KRI1: variants seen among roughly 807,000 people sequenced by gnomAD.
KRI1 encodes the protein KRI1 homolog, also known as protein KRI1 homolog.
A neutral mutation model predicts 97.0 loss-of-function variants in KRI1; 83 were observed. The ratio of observed to expected loss-of-function variants is 0.86; its 90% CI spans 0.72 to 1.03. The LOEUF is 1.03. Ranked by LOEUF, KRI1 falls within the 50% of genes least tolerant of loss-of-function variation. The probability of loss-of-function intolerance (pLI) is 0.00; values close to 1 mark genes in which losing one functional copy is unlikely to be tolerated. For missense variants in KRI1, 916 were observed against 928.4 expected, an observed-to-expected ratio of 0.99 and a Z score of 0.17; for synonymous variants, 371 against 363.5, an observed-to-expected ratio of 1.02 and a Z score of -0.23.
chr19:10,565,811 G>GTC, intron 1 of KRI1, 21 bp from the exon 2 acceptor site: 2 of 1,521,398 alleles, frequency 1.3e-6, no homozygotes, highest in Admixed American at 2.0e-5. Context: ...CAGACGGGAT[G>GTC]CCCCCCCCCA....
intron 3 of KRI1, among the ~76,000 whole-genome samples, chr19:10,563,365 A>T (rs1260975506): frequency 1.3e-5 from 2 of 149,038 alleles, no homozygotes; most frequent in Non-Finnish European, 3.0e-5. Flanking sequence ...CATTATTATT[A>T]TTTTTTTGAG....
At chr19:10,561,583 C>G in intron 6 of KRI1, 84 bp downstream of exon 6, 1 of 1,298,324 alleles carries the variant, frequency 7.7e-7, no homozygotes, top group Non-Finnish European at 1.1e-6. Flanking sequence ...TAGAAAGTGA[C>G]AGAGCTCAAT....
In KRI1 at chr19:10,565,785, C is replaced by A; in HGVS notation, c.100G>T (p.Asp34Tyr). 6.4e-7 allele frequency: 1 copy of A among 1,573,502 alleles called. No homozygotes were observed. The highest frequency in any genetic ancestry group is 8.6e-7 in the Non-Finnish European group (1 of 1,160,428). ...REREELQRLKDRYGDRDSSSD... is the reference protein window; with the variant it reads ...REREELQRLKYRYGDRDSSSD... Reference sequence around the variant, plus strand: ...CTGCTGTCTCGGTCCCCGTAGCGATCCTTCACTGCGGGACACAGACGGGAT... The same window carrying A: ...CTGCTGTCTCGGTCCCCGTAGCGATACTTCACTGCGGGACACAGACGGGAT... The change falls in exon 2 of 19, where the codon GAT (aspartate) becomes TAT (tyrosine). Residue 34 changes from aspartate (D) to tyrosine (Y), a missense_variant. This residue lies in a region of KRI1 where 173 missense variants were observed against 153.1 expected (regional missense o/e 1.13). Coordinates refer to ENST00000312962, the MANE Select transcript of KRI1 (RefSeq NM_023008.5).
At chr19:10,554,571 G>C (rs1343395355) in intron 18 of KRI1, among the ~76,000 whole-genome samples, 2 of 152,100 alleles carry the variant, frequency 1.3e-5, no homozygotes, top group Admixed American at 6.6e-5. Context: ...TTAGAGACAA[G>C]GTCTTGCTGT....
Position 10,558,074 on chromosome 19 carries a change from G to C in KRI1, c.1271-14C>G. 6.2e-7 allele frequency: 1 copy of C among 1,614,034 alleles called. No homozygotes were observed. The highest frequency in any genetic ancestry group is 8.5e-7 in the Non-Finnish European group (1 of 1,179,948). ...AGTTCCAGTCGTCTGGATGCAGGGA[G>C]AACAGACAGGTGGGGCCAGGGTGGG... On this transcript the variant is annotated splice_polypyrimidine_tract_variant and intron_variant, in intron 13 of 18. Transcript: ENST00000312962.
Position 10,554,158 on chromosome 19 carries a change from T to A in KRI1, c.1905A>T (p.Glu635Asp), listed in dbSNP as rs776239549. The stretch of plus-strand genomic sequence containing the variant: ...GCTTCTTGTGGGGTGATACAGGGGC[T>A]TCCTCTTCCTGTGCTGGGGGACTCT... ...GPESPPAQEE[E>D]APVSPHKKPA... Residue 635 changes from glutamate to aspartate, a missense_variant, in exon 19 of 19, where the codon GAA becomes GAT. Physicochemically the swap from Glu to Asp is conservative, Grantham distance 45 (BLOSUM62 2). This residue lies in a region of KRI1 where 672 missense variants were observed against 667.2 expected (regional missense o/e 1.01). Coordinates refer to ENST00000312962, the MANE Select transcript of KRI1 (RefSeq NM_023008.5). 2 of 1,614,026 alleles carry A rather than the reference T, an allele frequency of 1.2e-6. No homozygotes were observed. Among genetic ancestry groups the A allele is most frequent in the South Asian group, 2.2e-5 (2 of 91,074 alleles).
At position 10,562,794 on chromosome 19, in the gene KRI1, CT is replaced by C. The variant is rs1373969591; in HGVS notation, c.317del (p.Lys106SerfsTer10). 3 of 1,613,672 alleles carry C rather than the reference CT, an allele frequency of 1.9e-6. No homozygotes were observed. The East Asian group carries it at 6.7e-5, about 36-fold the overall frequency. ...GGTACATGGGCCGCACTTTCTTCTG[CT>C]TCTCCAAGGCTTCTGGGTCCTCCTC... is the stretch of plus-strand genomic sequence containing the variant. ...DSEEDPEALEKQKKVRPMYLK... is the reference protein window; with the variant it reads ...DSEEDPEALEXQKKVRPMYLK... On this transcript the variant is annotated frameshift_variant, in exon 4 of 19. Coordinates refer to ENST00000312962, the MANE Select transcript of KRI1 (RefSeq NM_023008.5). LOFTEE classifies it high-confidence loss of function.
rs190442496 is a variant in KRI1, at chr19:10,561,524, T to C, written c.488+143A>G. ...TCTCCTCTCAACAAGCTCAGAGCAG[T>C]GCTGTGATGTTATTAACCCCGTTTA... On this transcript the variant is annotated intron_variant, in intron 6 of 18. Transcript: ENST00000312962. The C allele has an allele frequency of 1.1e-4, 97 of 897,730 alleles. 2 individuals carry two copies. The East Asian group carries it at 2.0e-3, about 18-fold the overall frequency. The allele number at this position is 897,730 out of a possible 1,614,324, so 55.6% of individuals were successfully genotyped here.
chr19:10,560,480 A>T (rs371792902), intron 8 of KRI1, 32 bp from the exon 9 acceptor site: 1 of 1,534,008 alleles, frequency 6.5e-7, no homozygotes, highest in East Asian at 2.3e-5. Flanking sequence ...ACTCTGGTCA[A>T]TGGAGGACAG....
Position 10,565,044 on chromosome 19 carries a change from GA to G in KRI1, c.169-11del. On this transcript the variant is annotated splice_polypyrimidine_tract_variant and intron_variant, in intron 2 of 18. Coordinates refer to ENST00000312962, the MANE Select transcript of KRI1 (RefSeq NM_023008.5). ...GCTGGGGATCAAATTCCTAGGGCAG[GA>G]AAAGGGTTGGGGATAGATTTCAGAA... 1.3e-6 allele frequency: 2 copies of G among 1,569,630 alleles called. No homozygotes were observed. The highest frequency in any genetic ancestry group is 1.3e-5 in the African/African-American group (1 of 74,150).
In KRI1 at chr19:10,563,351, C is replaced by T. The variant is rs562131793; in HGVS notation, c.275-514G>A. On this transcript the variant is annotated intron_variant, in intron 3 of 18. Transcript: ENST00000312962. Reference sequence around the variant, plus strand: ...GATTACAGGCGTGAGCCACCGCACCCGGCCATTATTATTATTTTTTTGAGA... The same window carrying T: ...GATTACAGGCGTGAGCCACCGCACCTGGCCATTATTATTATTTTTTTGAGA... Among the ~76,000 whole-genome samples, 9 of 151,578 alleles carry T rather than the reference C, an allele frequency of 5.9e-5. No individual in the cohort carries two copies. The South Asian group carries it at 6.3e-4, about 11-fold the overall frequency.
intron 12 of KRI1, 38 bp from the exon 13 acceptor site, chr19:10,558,277 G>A (rs875569): frequency 0.45 from 719,634 of 1,601,838 alleles, 166,642 homozygotes; most frequent in Middle Eastern, 0.49. Flanking sequence ...GAGCCCACTC[G>A]AGACATAGGA....
chr19:10,553,785 G>A lies in KRI1; in HGVS notation c.*166C>T. 1.6e-6 allele frequency: 1 copy of A among 623,994 alleles called. No individual in the cohort carries two copies. Among genetic ancestry groups the A allele is most frequent in the Non-Finnish European group, 2.7e-6 (1 of 375,042 alleles). The allele number at this position is 623,994 out of a possible 1,614,324, so 38.7% of individuals were successfully genotyped here. Reference sequence around the variant, plus strand: ...TTGCCCACGCTGGTCTCCAATTCCTGGGCTCAAGTGATCCTTTCACCTCGG... The same window carrying A: ...TTGCCCACGCTGGTCTCCAATTCCTAGGCTCAAGTGATCCTTTCACCTCGG... On this transcript the variant is annotated 3_prime_UTR_variant, in exon 19 of 19. Coordinates refer to ENST00000312962, the MANE Select transcript of KRI1 (RefSeq NM_023008.5).
At chr19:10,558,880 T>C (rs1228488003) in intron 12 of KRI1, among the ~76,000 whole-genome samples, 1 of 151,984 alleles carries the variant, frequency 6.6e-6, no homozygotes, top group Admixed American at 6.6e-5. Context: ...TAATTTTTTG[T>C]ATCTTTAGTA....
chr19:10,559,191 G>A (rs1916612232), intron 12 of KRI1, among the ~76,000 whole-genome samples, 168 bp downstream of exon 12: 1 of 151,964 alleles, frequency 6.6e-6, no homozygotes, highest in African/African-American at 2.4e-5. Context: ...TTTTAGTAGA[G>A]ATGAGGTTTT....
At position 10,557,895 on chromosome 19, in the gene KRI1, T is replaced by G; in HGVS notation, c.1360A>C (p.Met454Leu). Residue 454 changes from methionine (M) to leucine (L), a missense_variant and splice_region_variant, in exon 15 of 19, where the codon ATG (methionine) becomes CTG (leucine). Physicochemically the swap from Met to Leu is conservative, Grantham distance 15. This residue lies in a region of KRI1 where 672 missense variants were observed against 667.2 expected (regional missense o/e 1.01). Coordinates refer to ENST00000312962, the MANE Select transcript of KRI1 (RefSeq NM_023008.5). ...ELHCEDPNFNMDADYDPSQPR... is the reference protein window; with the variant it reads ...ELHCEDPNFNLDADYDPSQPR... The stretch of plus-strand genomic sequence containing the variant: ...TGGCTGGGGTCGTAGTCGGCGTCCA[T>G]CTGCCAGGACGCACAGGTCAGATCC... 2 of 1,613,576 alleles carry G rather than the reference T, an allele frequency of 1.2e-6. No homozygotes were observed. The highest frequency in any genetic ancestry group is 2.2e-5 in the South Asian group (2 of 91,066).
chr19:10,554,981 G>C, intron 18 of KRI1, 106 bp downstream of exon 18: 4 of 865,468 alleles, frequency 4.6e-6, no homozygotes. Flanking sequence ...TCAGAGCGGG[G>C]GGCGCTGCAT....
chr19:10,564,904 G>T, intron 3 of KRI1, 25 bp downstream of exon 3: 2 of 1,428,408 alleles, frequency 1.4e-6, no homozygotes, highest in Non-Finnish European at 2.0e-6. Flanking sequence ...AGGAAGGAGA[G>T]GTTTAGACAG....
chr19:10,554,987 T>G (rs1486805730), intron 18 of KRI1, 100 bp downstream of exon 18: 19 of 957,760 alleles, frequency 2.0e-5, no homozygotes, highest in Non-Finnish European at 2.9e-5. Flanking sequence ...CGGGGGGCGC[T>G]GCATTCCCAA....
Sources: allele counts gnomAD v4.1 joint callset (sites outside exome capture counted in the v4.1 genomes callset), GRCh38; gene constraint gnomAD v4.1.1; regional missense constraint gnomAD v4.1.1; transcripts MANE v1.5; gene names NCBI Gene and HGNC (gene_info 2026-07-23, HGNC 2026-07-21).